Variants in BARD1 observed in about 807,000 individuals in gnomAD.
BARD1 encodes BRCA1 associated RING domain 1.
A neutral mutation model predicts 77.0 loss-of-function variants in BARD1; 73 were observed. The ratio of observed to expected loss-of-function variants is 0.95; its 90% CI spans 0.79 to 1.15. The LOEUF (loss-of-function observed/expected upper bound fraction) is 1.15. Ranked by LOEUF, BARD1 falls within the 50% of genes most tolerant of loss-of-function variation. The probability of loss-of-function intolerance (pLI) is 0.00; values close to 1 mark genes in which losing one functional copy is unlikely to be tolerated. For synonymous variants in BARD1, 384 were observed against 338.0 expected, an observed-to-expected ratio of 1.14 and a Z score of -1.49; for missense variants, 993 against 938.8, an observed-to-expected ratio of 1.06 and a Z score of -0.75.
intron 9 of BARD1, 68 bp downstream of exon 9, chr2:214,744,999 G>A: frequency 7.8e-7 from 1 of 1,284,070 alleles, no homozygotes; most frequent in South Asian, 1.2e-5. Context: ...TTAATCACAG[G>A]CATTAATAAC....
At chr2:214,736,958 G>C (rs1295574727) in intron 9 of BARD1, among the ~76,000 whole-genome samples, 1 of 152,156 alleles carries the variant, frequency 6.6e-6, no homozygotes, top group Non-Finnish European at 1.5e-5. Flanking sequence ...AAGGAAGAAT[G>C]AAAGTAGCTC....
chr2:214,745,255 T>C, intron 8 of BARD1, 96 bp from the exon 9 acceptor site: 1 of 1,095,052 alleles, frequency 9.1e-7, no homozygotes, highest in Non-Finnish European at 1.4e-6. Context: ...TGTAAGCTTA[T>C]ATCTGAATCT....
At chr2:214,803,626 G>T (rs1696132489) in intron 1 of BARD1, among the ~76,000 whole-genome samples, 1 of 152,124 alleles carries the variant, frequency 6.6e-6, no homozygotes, top group Non-Finnish European at 1.5e-5. Flanking sequence ...CCCCACTATT[G>T]TCTTGTGACC....
chr2:214,792,309 T>A lies in BARD1; in HGVS notation c.352A>T (p.Asn118Tyr). The A allele has an allele frequency of 6.2e-7, 1 of 1,613,480 alleles. No homozygotes were observed. The highest frequency in any genetic ancestry group is 8.5e-7 in the Non-Finnish European group (1 of 1,179,702). Residue 118 changes from asparagine (N) to tyrosine (Y), a missense_variant, in exon 3 of 11, where the codon AAT becomes TAT. Physicochemically the swap from Asn to Tyr is moderately radical, Grantham distance 143 (BLOSUM62 -2). Transcript: ENST00000260947. ...GGATAGTTCTTACCTGACAGCTCAT[T>A]GTCATGTAGCAAATTTCGAAGCTTA... ...CSKLRNLLHDNELSDLKEDKP... is the reference protein window; with the variant it reads ...CSKLRNLLHDYELSDLKEDKP...
chr2:214,805,395 A>G (rs1303234642), intron 1 of BARD1, among the ~76,000 whole-genome samples: 1 of 152,204 alleles, frequency 6.6e-6, no homozygotes, highest in Non-Finnish European at 1.5e-5. Flanking sequence ...ATTCTAATGA[A>G]TAACCAGTGC....
At chr2:214,750,698 A>G (rs1387423041) in intron 7 of BARD1, among the ~76,000 whole-genome samples, 1 of 152,166 alleles carries the variant, frequency 6.6e-6, no homozygotes, top group Non-Finnish European at 1.5e-5. Flanking sequence ...AATTTCTGAC[A>G]ATAAGACACA....
chr2:214,755,830 A>G (rs1343800829), intron 6 of BARD1, among the ~76,000 whole-genome samples: 2 of 152,348 alleles, frequency 1.3e-5, no homozygotes, highest in African/African-American at 4.8e-5. Flanking sequence ...GGAAAGGCAC[A>G]TGTGTCTACT....
At chr2:214,757,290 GTTTT>G (rs1326532522) in intron 6 of BARD1, among the ~76,000 whole-genome samples, 4 of 145,212 alleles carry the variant, frequency 2.8e-5, no homozygotes, top group Non-Finnish European at 4.6e-5. Flanking sequence ...GATTTCACCA[GTTTT>G]TTTTTTTTCT....
intron 9 of BARD1, among the ~76,000 whole-genome samples, chr2:214,744,723 C>T (rs1693015121): frequency 6.6e-6 from 1 of 152,128 alleles, no homozygotes; most frequent in Non-Finnish European, 1.5e-5. Flanking sequence ...CTCCACCTCC[C>T]AGGTTCACGC....
rs771109295 is a variant in BARD1 at position 214,728,777 on chromosome 2, A to C, written c.2233T>G (p.Tyr745Asp). The C allele has an allele frequency of 6.8e-6, 11 of 1,614,198 alleles. No individual in the cohort carries two copies. The highest frequency in any genetic ancestry group is 8.5e-6 in the Non-Finnish European group (10 of 1,180,032). Residue 745 changes from tyrosine (Y) to aspartate (D), a missense_variant, in exon 11 of 11, where the codon TAT becomes GAT. Transcript: ENST00000260947. ...QYIIYEDLCN[Y>D]HPERVRQGKV... is the part of the protein sequence containing the mutation. ...CCCTGCCGAACCCTCTCTGGGTGATAATTACACAAATCTTCATAGATGATA... is the reference window on the plus strand; with the variant it reads ...CCCTGCCGAACCCTCTCTGGGTGATCATTACACAAATCTTCATAGATGATA...
In BARD1 at chr2:214,780,567, G is replaced by A; in HGVS notation, c.1307C>T (p.Ser436Phe). ...TCAGAGTAAGCATCCTACCTTAATA[G>A]AAGCAATATGGAGCAAAGTCTCTCC... The part of the protein sequence containing the change: ...HRGETLLHIA[S>F]IKGDIPSVEY... The change falls in exon 4 of 11, where the codon TCT (serine) becomes TTT (phenylalanine). Residue 436 changes from serine (S) to phenylalanine (F), a missense_variant. Ser to Phe is a radical substitution (Grantham distance 155). Coordinates refer to ENST00000260947, the MANE Select transcript of BARD1 (RefSeq NM_000465.4). 1 of 1,613,450 alleles carries A rather than the reference G, an allele frequency of 6.2e-7. No individual in the cohort carries two copies. The highest frequency in any genetic ancestry group is 1.1e-5 in the South Asian group (1 of 91,056).
chr2:214,808,731 A>C (rs1044099621), intron 1 of BARD1, among the ~76,000 whole-genome samples: 1 of 152,200 alleles, frequency 6.6e-6, no homozygotes, highest in African/African-American at 2.4e-5. Context: ...ATGTCTTTGG[A>C]CGGAATGAAA....
intron 1 of BARD1, among the ~76,000 whole-genome samples, chr2:214,805,120 C>T (rs1386084364): frequency 6.6e-6 from 1 of 152,164 alleles, no homozygotes; most frequent in African/African-American, 2.4e-5. Flanking sequence ...GAGATCACAC[C>T]ACCGCACTCC....
At chr2:214,749,197 A>T (rs1219139891) in intron 7 of BARD1, among the ~76,000 whole-genome samples, 1 of 151,294 alleles carries the variant, frequency 6.6e-6, no homozygotes, top group Non-Finnish European at 1.5e-5. Context: ...AAAAAAAAAA[A>T]ACTAAACAAG....
chr2:214,762,694 T>C (rs556799970), intron 6 of BARD1, among the ~76,000 whole-genome samples: 3 of 152,326 alleles, frequency 2.0e-5, no homozygotes, highest in South Asian at 2.1e-4. Flanking sequence ...ATCGACTTGA[T>C]AGAAACCAAC....
In BARD1 at chr2:214,780,668, T is replaced by C. The variant is rs786203162; in HGVS notation, c.1206A>G (p.Ser402=). The C allele has an allele frequency of 8.7e-6, 14 of 1,614,120 alleles. No homozygotes were observed. Among genetic ancestry groups the C allele is most frequent in the Non-Finnish European group, 1.2e-5 (14 of 1,179,986 alleles). The part of the protein sequence containing the change: ...PGTPPSTLSS[S]SYRRVMSSPS... ...GACTAGACATCACTCGCCTGTAACT[T>C]GAACTACTTAATGTAGAAGGTGGTG... Residue 402 remains serine (S), a synonymous_variant, in exon 4 of 11, where the codon TCA becomes TCG. Transcript: ENST00000260947.
intron 3 of BARD1, among the ~76,000 whole-genome samples, chr2:214,788,169 A>G (rs1213043435): frequency 1.3e-5 from 2 of 148,426 alleles, no homozygotes; most frequent in Admixed American, 1.4e-4. Context: ...GTAATACTAT[A>G]AAAGCATAAT....
Position 214,728,361 on chromosome 2 carries a change from TACC to T in BARD1, c.*312_*314del, listed in dbSNP as rs1692174287. 1 of 339,064 alleles carries T rather than the reference TACC, an allele frequency of 2.9e-6. No individual in the cohort carries two copies. Among genetic ancestry groups the T allele is most frequent in the African/African-American group, 2.1e-5 (1 of 47,248 alleles). 21.0% of individuals were successfully genotyped at this position (339,064 alleles called of 1,614,324 possible). ...TATTAAAAGACTCAAACAGTAATGA[TACC>T]ACTTGTCTATTTAACCAAGATTCTG... On this transcript the variant is annotated 3_prime_UTR_variant, in exon 11 of 11. Coordinates refer to ENST00000260947, the MANE Select transcript of BARD1 (RefSeq NM_000465.4).
rs730881406 is a variant in BARD1, at chr2:214,809,513, C to G, written c.57G>C (p.Glu19Asp). ...GTTCCATGGCGGGCGCGGAACGAGG[C>G]TCGTTCCCGGAGCGGATCCTCGGCT... is the stretch of plus-strand genomic sequence containing the variant. The part of the protein sequence containing the change: ...NRQPRIRSGN[E>D]PRSAPAMEPD... The change falls in exon 1 of 11, where the codon GAG becomes GAC. Residue 19 changes from glutamate to aspartate, a missense_variant. Glu to Asp is a conservative substitution (Grantham distance 45). Transcript: ENST00000260947. 2.4e-5 allele frequency: 39 copies of G among 1,598,678 alleles called. No individual in the cohort carries two copies. Among genetic ancestry groups the G allele is most frequent in the Admixed American group, 3.4e-5 (2 of 59,090 alleles).
Sources: allele counts gnomAD v4.1 joint callset (sites outside exome capture counted in the v4.1 genomes callset), GRCh38; gene constraint gnomAD v4.1.1; transcripts MANE v1.5; gene names NCBI Gene and HGNC (gene_info 2026-07-23, HGNC 2026-07-21).